SAMD5: variants seen among roughly 807,000 people sequenced by gnomAD.
The protein encoded by SAMD5 is sterile alpha motif domain containing 5.
A neutral mutation model predicts 11.3 loss-of-function variants in SAMD5; 13 were observed. That is an observed-to-expected ratio of 1.15 (90% CI 0.75 to 1.83). The LOEUF is 1.83. Among genes scored for constraint, SAMD5 ranks in the 40% most tolerant of loss-of-function variants. The probability of loss-of-function intolerance (pLI) is 0.00; values close to 1 mark genes in which losing one functional copy is unlikely to be tolerated. For missense variants in SAMD5, 255 were observed against 239.1 expected (o/e 1.07, Z -0.44); for synonymous variants, 129 against 111.3 (o/e 1.16, Z -1.00).
chr6:147,562,821 CA>C (rs781600033), intron 1 of SAMD5, among the ~76,000 whole-genome samples: 167 of 145,156 alleles, frequency 1.2e-3, no homozygotes, highest in African/African-American at 4.0e-3. Context: ...GACTCCGTCT[CA>C]AAAAAAAATA....
chr6:147,606,453 C>A (rs1253870233), intron 1 of SAMD5, among the ~76,000 whole-genome samples: 1 of 151,720 alleles, frequency 6.6e-6, no homozygotes, highest in South Asian at 2.1e-4. Flanking sequence ...TGATGGCCCA[C>A]GGTAAGTCCT....
intron 1 of SAMD5, among the ~76,000 whole-genome samples, chr6:147,710,292 T>C (rs1242741788): frequency 3.3e-5 from 5 of 152,234 alleles, no homozygotes; most frequent in African/African-American, 1.2e-4. Context: ...GAAAGTACAC[T>C]TACCCCGCCC....
chr6:147,835,611 C>T, the SAMD5 span, among the ~76,000 whole-genome samples: 13 of 152,116 alleles, frequency 8.5e-5, no homozygotes, highest in East Asian at 1.9e-3. Flanking sequence ...CTGTTTACCC[C>T]GAGGACCATT....
At chr6:147,952,150 A>G in the SAMD5 span, among the ~76,000 whole-genome samples, 1 of 152,168 alleles carries the variant, frequency 6.6e-6, no homozygotes, top group East Asian at 1.9e-4. Flanking sequence ...AAAAAGATGA[A>G]TGCCAAATCG....
chr6:147,565,044 A>G lies in SAMD5; in HGVS notation c.*588A>G. On this transcript the variant is annotated 3_prime_UTR_variant, in exon 2 of 2. Transcript: ENST00000367474. The stretch of plus-strand genomic sequence containing the variant: ...TATAGTTATTTTGTATATTGGTACA[A>G]TGTTAAAGGTGATGAATTAAGGAAC... 1 of 970,910 alleles carries G rather than the reference A, an allele frequency of 1.0e-6. No individual in the cohort carries two copies. The highest frequency in any genetic ancestry group is 1.2e-6 in the Non-Finnish European group (1 of 816,792). The allele number at this position is 970,910 out of a possible 1,614,324, so 60.1% of individuals were successfully genotyped here. A position where few individuals can be genotyped will look rare whatever the true frequency, so the allele number is the denominator to read the frequency against.
chr6:147,777,158 T>C, the SAMD5 span, among the ~76,000 whole-genome samples: 3 of 152,028 alleles, frequency 2.0e-5, no homozygotes, highest in African/African-American at 7.2e-5. Context: ...GACTTTTTTT[T>C]TCTCTCTCTC....
intron 1 of SAMD5, among the ~76,000 whole-genome samples, chr6:147,635,984 T>C (rs756080399): frequency 6.6e-6 from 1 of 152,238 alleles, no homozygotes; most frequent in Non-Finnish European, 1.5e-5. Flanking sequence ...CAATAGGATC[T>C]CTTTTTTCTG....
chr6:147,945,805 T>C, the SAMD5 span, among the ~76,000 whole-genome samples: 1 of 152,174 alleles, frequency 6.6e-6, no homozygotes, highest in Non-Finnish European at 1.5e-5. Flanking sequence ...ACTGTGTTTC[T>C]AGAGTTCCTA....
At chr6:147,904,502 T>C in the SAMD5 span, among the ~76,000 whole-genome samples, 1 of 152,134 alleles carries the variant, frequency 6.6e-6, no homozygotes, top group Non-Finnish European at 1.5e-5. Flanking sequence ...AGAAAAACAT[T>C]CTATTGTGTT....
At chr6:147,616,402 G>A (rs1016686456) in intron 1 of SAMD5, among the ~76,000 whole-genome samples, 2 of 151,352 alleles carry the variant, frequency 1.3e-5, no homozygotes, top group Non-Finnish European at 2.9e-5. Flanking sequence ...CTCAATAAAT[G>A]TTCCCCTCCC....
At chr6:147,621,655 G>A (rs561269407) in intron 1 of SAMD5, among the ~76,000 whole-genome samples, 1 of 152,326 alleles carries the variant, frequency 6.6e-6, no homozygotes, top group South Asian at 2.1e-4. Context: ...AAAAGGATAA[G>A]TCAGCTAGGG....
chr6:147,930,865 G>T, the SAMD5 span, among the ~76,000 whole-genome samples: 73 of 152,312 alleles, frequency 4.8e-4, no homozygotes, highest in African/African-American at 1.6e-3. Context: ...CTTTGTTCTA[G>T]CTGTGCCTGC....
At chr6:147,787,457 A>G in the SAMD5 span, among the ~76,000 whole-genome samples, 8 of 152,326 alleles carry the variant, frequency 5.3e-5, no homozygotes, top group South Asian at 1.7e-3. Flanking sequence ...CATGTAAGTC[A>G]AAGACCAGTA....
At chr6:147,665,885 A>G (rs969005174) in intron 1 of SAMD5, among the ~76,000 whole-genome samples, 6 of 152,190 alleles carry the variant, frequency 3.9e-5, no homozygotes, top group Admixed American at 6.6e-5. Context: ...AGCAAATACT[A>G]TGAAAAAGTT....
the SAMD5 span, among the ~76,000 whole-genome samples, chr6:147,860,566 T>C: frequency 6.6e-6 from 1 of 152,208 alleles, no homozygotes; most frequent in Admixed American, 6.5e-5. Context: ...CTGTGCATCT[T>C]TGAACAGTAA....
intron 1 of SAMD5, among the ~76,000 whole-genome samples, chr6:147,720,542 A>G (rs1791536068): frequency 6.6e-6 from 1 of 152,000 alleles, no homozygotes; most frequent in East Asian, 1.9e-4. Flanking sequence ...TAGAAACGAT[A>G]CCAAAGGAGA....
At chr6:147,672,523 G>A (rs139726948) in intron 1 of SAMD5, among the ~76,000 whole-genome samples, 297 of 152,202 alleles carry the variant, frequency 2.0e-3, no homozygotes, top group Non-Finnish European at 3.7e-3. Context: ...TTGAGAAACT[G>A]CGTATTCTTT....
chr6:147,865,597 C>T, the SAMD5 span, among the ~76,000 whole-genome samples: 3 of 152,044 alleles, frequency 2.0e-5, no homozygotes, highest in Non-Finnish European at 4.4e-5. Flanking sequence ...GAATGAATGC[C>T]TCAAAGGTCC....
the SAMD5 span, among the ~76,000 whole-genome samples, chr6:147,876,199 A>G: frequency 2.0e-5 from 3 of 152,124 alleles, no homozygotes; most frequent in African/African-American, 7.2e-5. Flanking sequence ...CTGCATTTTA[A>G]TCTTGTGCTG....
Sources: allele counts gnomAD v4.1 joint callset (sites outside exome capture counted in the v4.1 genomes callset), GRCh38; gene constraint gnomAD v4.1.1; transcripts MANE v1.5; gene names NCBI Gene and HGNC (gene_info 2026-07-23, HGNC 2026-07-21).